ANK3: variants seen among roughly 807,000 people sequenced by gnomAD.
ANK3 encodes the protein ankyrin 3.
A neutral mutation model predicts 370.9 loss-of-function variants in ANK3; 57 were observed. That is an observed-to-expected ratio of 0.15 (90% confidence interval 0.12 to 0.19). ANK3 has a LOEUF of 0.19. Among genes scored for constraint, ANK3 ranks in the 10% least tolerant of loss-of-function variants. ANK3 has a pLI of 1.00. For missense variants in ANK3, 4,439 were observed against 5,302.1 expected (o/e 0.84, Z 5.06); for synonymous variants, 1,929 against 1,946.3 (o/e 0.99, Z 0.23).
intron 2 of ANK3, among the ~76,000 whole-genome samples, chr10:60,397,114 C>G (rs1444022630): frequency 6.6e-6 from 1 of 150,850 alleles, no homozygotes; most frequent in African/African-American, 2.5e-5. Flanking sequence ...AGGAATGGAG[C>G]AGCACATATA....
At chr10:60,302,451 A>C (rs1305426725) in intron 1 of ANK3, among the ~76,000 whole-genome samples, 1 of 152,194 alleles carries the variant, frequency 6.6e-6, no homozygotes, top group Non-Finnish European at 1.5e-5. Flanking sequence ...AGATATTATA[A>C]TAACATTTAT....
chr10:60,432,702 G>A (rs181629543), intron 2 of ANK3, among the ~76,000 whole-genome samples: 29 of 152,300 alleles, frequency 1.9e-4, no homozygotes, highest in Admixed American at 1.8e-3. Context: ...TACAGCTCTT[G>A]TACATTCAGG....
rs78934794 is a variant in ANK3 at position 60,407,150 on chromosome 10, A to C, written c.97-127511T>G. 8.1e-3 allele frequency among the ~76,000 whole-genome samples: 1,227 copies of C among 152,324 alleles called. 17 individuals are homozygous for C. The highest frequency in any genetic ancestry group is 0.028 in the African/African-American group (1,160 of 41,570). On this transcript the variant is annotated intron_variant, in intron 2 of 43. Coordinates refer to the ANK3 transcript ENST00000373827. ...TTTCTCACACTAAACTAGAGCAAAC[A>C]AATTGGTTAACCCCTGCTTTTGAGT...
Position 60,375,493 on chromosome 10 carries a change from G to A in ANK3, c.114+13932C>T, listed in dbSNP as rs747236073. On this transcript the variant is annotated intron_variant, in intron 1 of 43. Transcript: ENST00000280772. ...ACTCAAAGGTAACCCATTAAGGCCT[G>A]CCTGGGGGGGGAGGGGGGAAGGACT... Among the ~76,000 whole-genome samples the A allele has an allele frequency of 3.9e-5, 6 of 151,930 alleles. No individual in the cohort carries two copies. In the South Asian group the frequency reaches 1.2e-3, roughly 32 times the overall value.
chr10:60,445,319 G>A (rs140408234), intron 2 of ANK3, among the ~76,000 whole-genome samples: 1,587 of 151,134 alleles, frequency 0.011, 16 homozygotes, highest in Non-Finnish European at 0.015. Context: ...GAACCCAGGA[G>A]GCAGAGGTTG....
At chr10:60,625,555 A>G (rs2078397674) in intron 1 of ANK3, among the ~76,000 whole-genome samples, 1 of 152,172 alleles carries the variant, frequency 6.6e-6, no homozygotes, top group Admixed American at 6.5e-5. Flanking sequence ...TTTATTTCCC[A>G]AAGTACCTAA....
At chr10:60,331,677 G>C (rs1406163067) in intron 1 of ANK3, among the ~76,000 whole-genome samples, 3 of 151,740 alleles carry the variant, frequency 2.0e-5, no homozygotes, top group African/African-American at 7.3e-5. Context: ...CTTCTTTCAA[G>C]GCAAATCCAA....
At chr10:60,260,657 T>A (rs1320636137) in intron 7 of ANK3, among the ~76,000 whole-genome samples, 1 of 152,188 alleles carries the variant, frequency 6.6e-6, no homozygotes, top group African/African-American at 2.4e-5. Flanking sequence ...ACCATCTGCT[T>A]GGTGCTGTCC....
intron 42 of ANK3, among the ~76,000 whole-genome samples, chr10:60,048,049 T>C (rs181447972): frequency 9.6e-4 from 146 of 152,134 alleles, no homozygotes; most frequent in Middle Eastern, 3.4e-3. Flanking sequence ...AAGAGAAAAA[T>C]CGCCGTCACC....
rs537293585 is a variant in ANK3, at chr10:60,045,394, G to A, written c.13066-2635C>T. 3.4e-4 allele frequency among the ~76,000 whole-genome samples: 51 copies of A among 152,236 alleles called. No homozygotes were observed. The South Asian group carries it at 9.8e-3, about 29-fold the overall frequency. On this transcript the variant is annotated intron_variant, in intron 42 of 43. Coordinates refer to ENST00000280772, the MANE Select transcript of ANK3 (RefSeq NM_020987.5). ...ATTTTCCTGTCATAGACAGCTTGGT[G>A]GATTTAGATGGCTCCATAGTATCTC...
chr10:60,348,358 A>G (rs2056114738), intron 1 of ANK3, among the ~76,000 whole-genome samples: 1 of 109,856 alleles, frequency 9.1e-6, no homozygotes, highest in South Asian at 3.6e-4. Context: ...AAAAAAAAAA[A>G]AAAAAAAAAA....
chr10:60,257,287 A>G (rs1179973407), intron 7 of ANK3, among the ~76,000 whole-genome samples: 1 of 152,198 alleles, frequency 6.6e-6, no homozygotes, highest in East Asian at 1.9e-4. Context: ...ATATTTGAAA[A>G]AGGCAGCCCA....
chr10:60,581,235 T>C (rs2133279878), intron 2 of ANK3, among the ~76,000 whole-genome samples: 1 of 152,308 alleles, frequency 6.6e-6, no homozygotes, highest in South Asian at 2.1e-4. Context: ...TACACTTTGA[T>C]GTGGTGTGAG....
At chr10:60,404,415 AGG>A (rs2063412692) in intron 2 of ANK3, among the ~76,000 whole-genome samples, 1 of 152,222 alleles carries the variant, frequency 6.6e-6, no homozygotes, top group South Asian at 2.1e-4. Context: ...GATCAATGCA[AGG>A]GAAACAGACT....
At chr10:60,426,650 T>C (rs1376219113) in intron 2 of ANK3, among the ~76,000 whole-genome samples, 1 of 152,112 alleles carries the variant, frequency 6.6e-6, no homozygotes, top group African/African-American at 2.4e-5. Context: ...TGCTTTTAGC[T>C]CTTATAAAAA....
intron 1 of ANK3, among the ~76,000 whole-genome samples, chr10:60,714,987 G>A (rs1678898378): frequency 6.6e-6 from 1 of 152,090 alleles, no homozygotes; most frequent in Admixed American, 6.6e-5. Flanking sequence ...ATGAATTTTG[G>A]TTAATAATCA....
intron 2 of ANK3, among the ~76,000 whole-genome samples, chr10:60,470,970 T>C (rs2065203922): frequency 6.6e-6 from 1 of 152,158 alleles, no homozygotes. Flanking sequence ...TTCTAGGATA[T>C]GTCTTTTATC....
chr10:60,174,670 A>G (rs1042099479), intron 18 of ANK3, among the ~76,000 whole-genome samples: 8 of 152,218 alleles, frequency 5.3e-5, no homozygotes, highest in Non-Finnish European at 1.5e-5. Context: ...TGCCTAAGTT[A>G]TAATACAACC....
chr10:60,210,950 C>A (rs1591791120), intron 9 of ANK3, among the ~76,000 whole-genome samples: 2 of 152,118 alleles, frequency 1.3e-5, no homozygotes, highest in South Asian at 4.2e-4. Context: ...CCCACAATAA[C>A]CCATTTCAAG....
Sources: gnomAD v4.1 joint callset for allele counts (sites outside exome capture counted in the v4.1 genomes callset) on GRCh38, gnomAD v4.1.1 for gene constraint, MANE v1.5 for transcripts, NCBI Gene and HGNC (gene_info 2026-07-23, HGNC 2026-07-21) for gene names.